Variants in TRPC3 observed in about 807,000 individuals in gnomAD.
TRPC3 encodes short transient receptor potential channel 3.
Under a neutral mutation model 90.9 loss-of-function variants are expected in TRPC3, and 54 were observed. That is an observed-to-expected ratio of 0.59 (90% CI 0.48 to 0.75). The LOEUF (loss-of-function observed/expected upper bound fraction) is 0.75. Ranked by LOEUF, TRPC3 falls within the 30% of genes least tolerant of loss-of-function variation. The probability of loss-of-function intolerance (pLI) is 0.00; values close to 1 mark genes in which losing one functional copy is unlikely to be tolerated. For missense variants in TRPC3, 918 were observed against 1,194.5 expected (o/e 0.77, Z 3.41); for synonymous variants, 424 against 450.9 (o/e 0.94, Z 0.75).
At chr4:121,918,726 C>T (rs530019408) in intron 3 of TRPC3, among the ~76,000 whole-genome samples, 11 of 152,192 alleles carry the variant, frequency 7.2e-5, no homozygotes, top group Admixed American at 3.3e-4. Context: ...TGGATTCTGT[C>T]GATTCCATTT....
intron 1 of TRPC3, among the ~76,000 whole-genome samples, chr4:121,936,989 C>T (rs1730152979): frequency 6.6e-6 from 1 of 152,152 alleles, no homozygotes; most frequent in Non-Finnish European, 1.5e-5. Context: ...AGATGAAAGG[C>T]TCTTCTGAGA....
At chr4:121,888,219 T>G (rs928462461) in intron 10 of TRPC3, among the ~76,000 whole-genome samples, 8 of 152,206 alleles carry the variant, frequency 5.3e-5, no homozygotes, top group African/African-American at 1.7e-4. Context: ...TTTGAATCTC[T>G]GTCTTTGAAG....
intron 11 of TRPC3, among the ~76,000 whole-genome samples, chr4:121,880,842 T>C (rs141132417): frequency 1.8e-3 from 267 of 152,204 alleles, no homozygotes; most frequent in Non-Finnish European, 3.1e-3. Flanking sequence ...GTATCTTTAA[T>C]ATGCTTTAAA....
At chr4:121,935,324 TATG>T (rs1215271995) in intron 1 of TRPC3, among the ~76,000 whole-genome samples, 4 of 151,902 alleles carry the variant, frequency 2.6e-5, no homozygotes, top group African/African-American at 9.7e-5. Context: ...ATGAGTAGGG[TATG>T]ATGTGTAGGG....
chr4:121,883,759 T>A (rs1728018289), intron 10 of TRPC3, among the ~76,000 whole-genome samples: 1 of 152,146 alleles, frequency 6.6e-6, no homozygotes, highest in Non-Finnish European at 1.5e-5. Context: ...ATTTTAGAGG[T>A]GGAGTCTCAC....
chr4:121,897,138 G>A (rs1442108303), intron 10 of TRPC3, among the ~76,000 whole-genome samples: 1 of 151,800 alleles, frequency 6.6e-6, no homozygotes, highest in East Asian at 1.9e-4. Context: ...ATAAAAATCA[G>A]GGCAAAATGG....
chr4:121,902,576 G>T (rs1260816939), intron 9 of TRPC3, among the ~76,000 whole-genome samples: 1 of 152,126 alleles, frequency 6.6e-6, no homozygotes, highest in Admixed American at 6.5e-5. Flanking sequence ...TTCTAACAGT[G>T]ACTTTTCTGG....
intron 6 of TRPC3, among the ~76,000 whole-genome samples, chr4:121,907,965 T>G (rs1022653149): frequency 6.6e-6 from 1 of 152,152 alleles, no homozygotes; most frequent in African/African-American, 2.4e-5. Flanking sequence ...ACAGCCGGAG[T>G]GTAACTTCTT....
At chr4:121,937,544 T>C (rs1730171622) in intron 1 of TRPC3, among the ~76,000 whole-genome samples, 1 of 152,248 alleles carries the variant, frequency 6.6e-6, no homozygotes, top group Non-Finnish European at 1.5e-5. Flanking sequence ...GACTGTTTAA[T>C]GTCAAGACCT....
chr4:121,880,424 T>C (rs1727903105), intron 11 of TRPC3, among the ~76,000 whole-genome samples: 1 of 152,150 alleles, frequency 6.6e-6, no homozygotes, highest in Non-Finnish European at 1.5e-5. Context: ...ATGAAGACAT[T>C]AGTTTGTCCA....
intron 3 of TRPC3, among the ~76,000 whole-genome samples, chr4:121,917,988 C>G (rs1479291713): frequency 6.6e-6 from 1 of 152,178 alleles, no homozygotes; most frequent in Non-Finnish European, 1.5e-5. Flanking sequence ...TGGTAGCTAT[C>G]GTTTGAATGT....
chr4:121,885,390 C>T (rs913579238), intron 10 of TRPC3, among the ~76,000 whole-genome samples: 1 of 152,146 alleles, frequency 6.6e-6, no homozygotes, highest in African/African-American at 2.4e-5. Context: ...ACTTTAGCTG[C>T]TGTCTGGCTC....
Position 121,932,392 on chromosome 4 carries a change from T to C in TRPC3, c.866A>G (p.Asn289Ser). Residue 289 changes from asparagine to serine, a missense_variant, in exon 2 of 12, where the codon AAT (asparagine) becomes AGT (serine). By Grantham distance (46) the Asn-to-Ser change is conservative. Coordinates refer to ENST00000379645, the MANE Select transcript of TRPC3 (RefSeq NM_001130698.2). The surrounding 1 kb of genome is among the most constrained non-coding windows in gnomAD (Gnocchi z 7.7). ...DSFSHSRSRINAYKGLASPAY... is the reference protein window; with the variant it reads ...DSFSHSRSRISAYKGLASPAY... Reference sequence around the variant, plus strand: ...CGGGCTGGCCAGCCCCTTGTAGGCATTGATCCTCGAGCGTGAGTGGCTGAA... The same window carrying C: ...CGGGCTGGCCAGCCCCTTGTAGGCACTGATCCTCGAGCGTGAGTGGCTGAA... 1 of 1,614,140 alleles carries C rather than the reference T, an allele frequency of 6.2e-7. No individual in the cohort carries two copies. The highest frequency in any genetic ancestry group is 8.5e-7 in the Non-Finnish European group (1 of 1,180,014).
At position 121,910,054 on chromosome 4, in the gene TRPC3, C is replaced by T. The variant is rs1223657677; in HGVS notation, c.1792+100G>A. On this transcript the variant is annotated intron_variant, in intron 6 of 11. Coordinates refer to ENST00000379645, the MANE Select transcript of TRPC3 (RefSeq NM_001130698.2). Reference sequence around the variant, plus strand: ...CTCCACTGTCCATAAATATTCAATACACCTCTCATACTAAACATACTCCAA... The same window carrying T: ...CTCCACTGTCCATAAATATTCAATATACCTCTCATACTAAACATACTCCAA... The T allele has an allele frequency of 3.8e-5, 32 of 852,750 alleles. No homozygotes were observed. In the East Asian group the frequency reaches 7.2e-4, roughly 19 times the overall value. The allele number at this position is 852,750 out of a possible 1,614,324, so 52.8% of individuals were successfully genotyped here.
In TRPC3 at chr4:121,911,915, A is replaced by C; in HGVS notation, c.1520T>G (p.Phe507Cys). Reference sequence around the variant, plus strand: ...CATAATTAGCATTTCAGTCCATGTAAACTGGGTGGTTTTCACCCTGAAGAT... The same window carrying C: ...CATAATTAGCATTTCAGTCCATGTACACTGGGTGGTTTTCACCCTGAAGAT... ...KQIFRVKTTQ[F>C]TWTEMLIMVW... Residue 507 changes from phenylalanine (F) to cysteine (C), a missense_variant, in exon 5 of 12, where the codon TTT (phenylalanine) becomes TGT (cysteine). This residue lies in a region of TRPC3 where 609 missense variants were observed against 725.9 expected (regional missense o/e 0.84). Transcript: ENST00000379645. The C allele has an allele frequency of 6.2e-7, 1 of 1,613,804 alleles. No homozygotes were observed. Among genetic ancestry groups the C allele is most frequent in the African/African-American group, 1.3e-5 (1 of 75,026 alleles).
In TRPC3 at chr4:121,914,912, G is replaced by A. The variant is rs572464771; in HGVS notation, c.1209C>T (p.Leu403=). The part of the protein sequence containing the change: ...FVAHPNCQQQ[L]LTIWYENLSG... Reference sequence around the variant, plus strand: ...AGAGGTTCTCATACCAGATCGTCAAGAGCTGCTGCTGGCAGTTGGGATGAG... The same window carrying A: ...AGAGGTTCTCATACCAGATCGTCAAAAGCTGCTGCTGGCAGTTGGGATGAG... Residue 403 remains leucine, a synonymous_variant, in exon 4 of 12, where the codon CTC becomes CTT. Coordinates refer to ENST00000379645, the MANE Select transcript of TRPC3 (RefSeq NM_001130698.2). The A allele has an allele frequency of 2.9e-5, 47 of 1,610,364 alleles. No individual in the cohort carries two copies. In the South Asian group the frequency reaches 4.5e-4, roughly 15 times the overall value.
In TRPC3 at chr4:121,951,645, T is replaced by C; in HGVS notation, c.36A>G (p.Ala12=). 7.1e-7 allele frequency: 1 copy of C among 1,401,154 alleles called. No individual in the cohort carries two copies. The highest frequency in any genetic ancestry group is 1.6e-5 in the South Asian group (1 of 62,212). The allele number at this position is 1,401,154 out of a possible 1,614,324, so 86.8% of individuals were successfully genotyped here. A position where few individuals can be genotyped will look rare whatever the true frequency, so the allele number is the denominator to read the frequency against. The change falls in exon 1 of 12, where the codon GCA becomes GCG. Residue 12 remains alanine (A), a synonymous_variant. Transcript: ENST00000379645. This position sits in a 1 kb window ranked among gnomAD's most constrained non-coding sequence, Gnocchi z 4.4. Reference sequence around the variant, plus strand: ...CCTCCGGCGCCGGGAAGGTCACCCTTGCTTGTTCTTTGCACTTCCTGACCT... The same window carrying C: ...CCTCCGGCGCCGGGAAGGTCACCCTCGCTTGTTCTTTGCACTTCCTGACCT... ...STKVRKCKEQ[A]RVTFPAPEEE...
At position 121,904,317 on chromosome 4, in the gene TRPC3, T is replaced by G. The variant is rs773351073; in HGVS notation, c.2253+5A>C. The G allele has an allele frequency of 1.3e-6, 2 of 1,596,408 alleles. No individual in the cohort carries two copies. The highest frequency in any genetic ancestry group is 1.7e-6 in the Non-Finnish European group (2 of 1,175,362). ...ATAGATACTATGGATAGAAAACCGA[T>G]TTACCTCAATTTCTTGATATGAGCT... On this transcript the variant is annotated splice_donor_5th_base_variant and intron_variant, in intron 8 of 11. Coordinates refer to ENST00000379645, the MANE Select transcript of TRPC3 (RefSeq NM_001130698.2).
rs966062320 is a variant in TRPC3, at chr4:121,874,949, G to T, written c.*4787C>A. ...AATCCAGCCTGGGCAAAATAGCAAG[G>T]CCCCATCTCTAAAAAACAAACAAAA... is the stretch of plus-strand genomic sequence containing the variant. On this transcript the variant is annotated 3_prime_UTR_variant, in exon 12 of 12. Transcript: ENST00000379645. Among the ~76,000 whole-genome samples, 1 of 151,734 alleles carries T rather than the reference G, an allele frequency of 6.6e-6. No homozygotes were observed. The highest frequency in any genetic ancestry group is 1.9e-4 in the East Asian group (1 of 5,194).
Sources: allele counts gnomAD v4.1 joint callset (sites outside exome capture counted in the v4.1 genomes callset), GRCh38; gene constraint gnomAD v4.1.1; regional missense constraint gnomAD v4.1.1; non-coding constraint Gnocchi (gnomAD v3.1); transcripts MANE v1.5; gene names NCBI Gene and HGNC (gene_info 2026-07-23, HGNC 2026-07-21).